Variants in ELP4 observed in about 807,000 individuals in gnomAD.
ELP4 encodes elongator acetyltransferase complex subunit 4, also known as elongator complex protein 4.
A neutral mutation model predicts 48.9 loss-of-function variants in ELP4; 51 were observed. The ratio of observed to expected loss-of-function variants is 1.04; its 90% CI spans 0.83 to 1.32. ELP4 has a LOEUF of 1.32. Ranked by LOEUF, ELP4 falls within the 40% of genes most tolerant of loss-of-function variation. The pLI, the probability that ELP4 is intolerant of heterozygous loss-of-function variation, is 0.00. For synonymous variants in ELP4, 210 were observed against 189.2 expected (o/e 1.11, Z -0.90); for missense variants, 519 against 514.6 (o/e 1.01, Z -0.08).
chr11:31,529,910 A>C (rs2133891585), intron 2 of ELP4, among the ~76,000 whole-genome samples: 1 of 152,242 alleles, frequency 6.6e-6, no homozygotes, highest in South Asian at 2.1e-4. Context: ...AAACCACCTA[A>C]TTTTAGAGGG....
intron 3 of ELP4, among the ~76,000 whole-genome samples, chr11:31,566,995 T>A (rs1405277082): frequency 6.6e-6 from 1 of 152,130 alleles, no homozygotes; most frequent in African/African-American, 2.4e-5. Flanking sequence ...TACTGTTCTC[T>A]CTGTCATTAA....
At chr11:31,618,558 T>C (rs1226905561) in intron 5 of ELP4, among the ~76,000 whole-genome samples, 1 of 152,072 alleles carries the variant, frequency 6.6e-6, no homozygotes, top group Non-Finnish European at 1.5e-5. Context: ...GTCCCACCAC[T>C]TAATACGGTA....
intron 2 of ELP4, among the ~76,000 whole-genome samples, chr11:31,520,829 T>C (rs1415662541): frequency 6.6e-6 from 1 of 152,094 alleles, no homozygotes; most frequent in Non-Finnish European, 1.5e-5. Flanking sequence ...AACCTGGTTT[T>C]ATATGTTAGG....
chr11:31,714,344 A>G (rs1720758624), intron 9 of ELP4, among the ~76,000 whole-genome samples: 1 of 152,210 alleles, frequency 6.6e-6, no homozygotes, highest in Non-Finnish European at 1.5e-5. Context: ...TATAAATTGT[A>G]AAGAAAAATT....
At chr11:31,589,350 A>C (rs1046748846) in intron 3 of ELP4, among the ~76,000 whole-genome samples, 1 of 152,234 alleles carries the variant, frequency 6.6e-6, no homozygotes, top group African/African-American at 2.4e-5. Flanking sequence ...AATGTCGAAG[A>C]ATATCAAGCT....
intron 9 of ELP4, among the ~76,000 whole-genome samples, chr11:31,658,022 C>T (rs76309942): frequency 0.029 from 4,347 of 151,952 alleles, 202 homozygotes; most frequent in African/African-American, 0.099. Flanking sequence ...TTAACTTATC[C>T]GGAGTCACAA....
Position 31,725,830 on chromosome 11 carries a change from A to G in ELP4, c.1144-57563A>G, listed in dbSNP as rs111824941. The stretch of plus-strand genomic sequence containing the variant: ...TCACTTTGGGCATTGCTTAGTCTCT[A>G]TTGTTGCCAGGGATGGGTCCATCCT... On this transcript the variant is annotated intron_variant, in intron 9 of 9. Transcript: ENST00000640961. Among the ~76,000 whole-genome samples the G allele has an allele frequency of 1.3e-3, 204 of 152,254 alleles. 4 individuals carry two copies. The highest frequency in any genetic ancestry group is 0.012 in the East Asian group (61 of 5,170).
chr11:31,767,864 A>G (rs1948071908), intron 9 of ELP4: 1 of 152,128 alleles, frequency 6.6e-6, no homozygotes, highest in African/African-American at 2.4e-5. Flanking sequence ...TGGCTGCCCT[A>G]TCACCACCCT....
At position 31,698,670 on chromosome 11, in the gene ELP4, C is replaced by T. The variant is rs536716859; in HGVS notation, c.1143+48449C>T. Among the ~76,000 whole-genome samples, 11 of 152,246 alleles carry T rather than the reference C, an allele frequency of 7.2e-5. No individual in the cohort carries two copies. In the South Asian group the frequency reaches 2.1e-3, roughly 29 times the overall value. ...TCAAGTGATCCACCCCTCTCAGCCT[C>T]CCAGAGTGCTGGGATTACAGGCATG... is the stretch of plus-strand genomic sequence containing the variant. On this transcript the variant is annotated intron_variant, in intron 9 of 9. Transcript: ENST00000640961.
At chr11:31,721,141 T>A (rs961788187) in intron 9 of ELP4, among the ~76,000 whole-genome samples, 2 of 152,210 alleles carry the variant, frequency 1.3e-5, no homozygotes, top group African/African-American at 4.8e-5. Flanking sequence ...GCCAGTTTTT[T>A]TGATTGTGTG....
chr11:31,657,220 C>T (rs913918291), intron 9 of ELP4, among the ~76,000 whole-genome samples: 1 of 152,032 alleles, frequency 6.6e-6, no homozygotes, highest in Non-Finnish European at 1.5e-5. Flanking sequence ...CTTTGCACAG[C>T]AAATGTTCAG....
intron 9 of ELP4, among the ~76,000 whole-genome samples, chr11:31,687,349 A>G (rs1246435985): frequency 6.6e-6 from 1 of 152,230 alleles, no homozygotes; most frequent in Non-Finnish European, 1.5e-5. Context: ...AGAAGAAGGC[A>G]GAAGAATCAT....
At chr11:31,583,228 T>A (rs1187305629) in intron 3 of ELP4, among the ~76,000 whole-genome samples, 1 of 152,202 alleles carries the variant, frequency 6.6e-6, no homozygotes, top group Admixed American at 6.5e-5. Context: ...TGCCAGTTGT[T>A]ATGATTTGTT....
At chr11:31,565,519 A>C (rs1957096427) in intron 3 of ELP4, among the ~76,000 whole-genome samples, 1 of 147,944 alleles carries the variant, frequency 6.8e-6, no homozygotes, top group Admixed American at 6.7e-5. Context: ...CTAACATTTA[A>C]GTCTTTAATC....
chr11:31,665,261 G>A (rs1945646291), intron 9 of ELP4, among the ~76,000 whole-genome samples: 1 of 152,084 alleles, frequency 6.6e-6, no homozygotes, highest in African/African-American at 2.4e-5. Flanking sequence ...GGGAGGACAT[G>A]GCAACTACTC....
chr11:31,677,417 A>G (rs75268485), intron 9 of ELP4, among the ~76,000 whole-genome samples: 4,329 of 152,290 alleles, frequency 0.028, 207 homozygotes, highest in African/African-American at 0.099. Flanking sequence ...GAGAATAACT[A>G]TGGAAACTGA....
At chr11:31,554,351 G>T (rs1024809518) in intron 3 of ELP4, among the ~76,000 whole-genome samples, 1 of 151,776 alleles carries the variant, frequency 6.6e-6, no homozygotes, top group Non-Finnish European at 1.5e-5. Context: ...GCATAGGTTT[G>T]GTTTTGTTTT....
At chr11:31,547,017 C>G (rs1361109339) in intron 3 of ELP4, among the ~76,000 whole-genome samples, 1 of 151,758 alleles carries the variant, frequency 6.6e-6, no homozygotes, top group African/African-American at 2.4e-5. Context: ...GCACTAAATG[C>G]CCACAAGAGA....
rs1958029020 is a variant in ELP4 at position 31,613,881 on chromosome 11, T to A, written c.653+9974T>A. Among the ~76,000 whole-genome samples the A allele has an allele frequency of 2.0e-5, 3 of 151,842 alleles. No homozygotes were observed. The South Asian group carries it at 6.2e-4, about 32-fold the overall frequency. On this transcript the variant is annotated intron_variant, in intron 5 of 9. Transcript: ENST00000640961. The stretch of plus-strand genomic sequence containing the variant: ...ACACCACCACACCTGGCTAATTTTT[T>A]TGTATTTTTAATAGAGATGGGGTTT...
Sources: allele counts gnomAD v4.1 joint callset (sites outside exome capture counted in the v4.1 genomes callset), GRCh38; gene constraint gnomAD v4.1.1; transcripts MANE v1.5; gene names NCBI Gene and HGNC (gene_info 2026-07-23, HGNC 2026-07-21).